The following SGCZ variants were observed in gnomAD, a reference collection of about 807,000 sequenced individuals.
The protein encoded by SGCZ is sarcoglycan zeta, also known as zeta-sarcoglycan.
Under a neutral mutation model 41.3 loss-of-function variants are expected in SGCZ, and 40 were observed. The ratio of observed to expected loss-of-function variants is 0.97; its 90% CI spans 0.75 to 1.26. The LOEUF (loss-of-function observed/expected upper bound fraction) is 1.26, where lower values mean the gene tolerates loss of function less well. Among genes scored for constraint, SGCZ ranks in the 50% most tolerant of loss-of-function variants. The probability of loss-of-function intolerance (pLI) is 0.00; values close to 1 mark genes in which losing one functional copy is unlikely to be tolerated. For missense variants in SGCZ, 552 were observed against 369.8 expected (o/e 1.49, Z -4.04); for synonymous variants, 206 against 137.5 (o/e 1.50, Z -3.49).
At chr8:14,249,244 T>A (rs888467159) in intron 3 of SGCZ, among the ~76,000 whole-genome samples, 1 of 152,190 alleles carries the variant, frequency 6.6e-6, no homozygotes, top group African/African-American at 2.4e-5. Flanking sequence ...AGTCTTCTCT[T>A]GCTTTTGAAT....
At chr8:14,737,232 G>A (rs1799065557) in intron 1 of SGCZ, among the ~76,000 whole-genome samples, 1 of 150,054 alleles carries the variant, frequency 6.7e-6, no homozygotes, top group African/African-American at 2.5e-5. Context: ...GATGGTAGAG[G>A]GTTTCTTAGT....
chr8:15,216,698 T>C (rs1316368353), intron 1 of SGCZ, among the ~76,000 whole-genome samples: 2 of 152,156 alleles, frequency 1.3e-5, no homozygotes, highest in Non-Finnish European at 2.9e-5. Context: ...GAATGGAATC[T>C]TCTAAAGGGC....
chr8:14,874,082 G>A (rs1436857777), intron 1 of SGCZ, among the ~76,000 whole-genome samples: 1 of 152,086 alleles, frequency 6.6e-6, no homozygotes, highest in Non-Finnish European at 1.5e-5. Context: ...ACTGAAGTGT[G>A]GTGAGTCCCA....
At chr8:14,092,045 G>C (rs924304666) in intron 7 of SGCZ, among the ~76,000 whole-genome samples, 8 of 152,080 alleles carry the variant, frequency 5.3e-5, no homozygotes, top group Non-Finnish European at 1.5e-5. Flanking sequence ...TGGCTAGCCA[G>C]TTTTCCCAAC....
intron 1 of SGCZ, among the ~76,000 whole-genome samples, chr8:15,145,155 C>T (rs1262652631): frequency 6.6e-6 from 1 of 152,172 alleles, no homozygotes; most frequent in Admixed American, 6.5e-5. Context: ...TCTGGCTTCT[C>T]TGTGAAGGTT....
At chr8:14,459,898 A>T (rs1375806766) in intron 2 of SGCZ, among the ~76,000 whole-genome samples, 2 of 152,156 alleles carry the variant, frequency 1.3e-5, no homozygotes, top group African/African-American at 4.8e-5. Flanking sequence ...GTATTCCTAA[A>T]ATGAGTCAAG....
intron 1 of SGCZ, among the ~76,000 whole-genome samples, chr8:15,158,826 G>A (rs1182649534): frequency 3.9e-5 from 6 of 152,200 alleles, no homozygotes; most frequent in Non-Finnish European, 8.8e-5. Flanking sequence ...TAGACAGGGA[G>A]AAAGATCCTA....
At chr8:14,349,317 T>A (rs772280131) in intron 2 of SGCZ, among the ~76,000 whole-genome samples, 4 of 152,120 alleles carry the variant, frequency 2.6e-5, no homozygotes, top group Admixed American at 6.6e-5. Flanking sequence ...AATGAGAAAC[T>A]TCTTTAACTC....
At chr8:14,384,991 T>C (rs150547846) in intron 2 of SGCZ, among the ~76,000 whole-genome samples, 3 of 152,334 alleles carry the variant, frequency 2.0e-5, no homozygotes, top group East Asian at 1.9e-4. Context: ...TGAATCTTGC[T>C]TGGGGAATGA....
chr8:14,758,225 G>A lies in SGCZ; in HGVS notation c.40-203299C>T, dbSNP rs186986139. Among the ~76,000 whole-genome samples, 25 of 152,248 alleles carry A rather than the reference G, an allele frequency of 1.6e-4. No homozygotes were observed. In the East Asian group the frequency reaches 3.3e-3, roughly 20 times the overall value. ...CCTGGTTTACAAATCCAGTGTTGTC[G>A]AATTCACATCAAGATCTTCTATTAA... is the stretch of plus-strand genomic sequence containing the variant. On this transcript the variant is annotated intron_variant, in intron 1 of 7. Coordinates refer to ENST00000382080, the MANE Select transcript of SGCZ (RefSeq NM_139167.4).
intron 5 of SGCZ, among the ~76,000 whole-genome samples, chr8:14,149,508 A>G (rs907821186): frequency 1.3e-5 from 2 of 152,122 alleles, no homozygotes; most frequent in African/African-American, 4.8e-5. Context: ...CACTGGTGAA[A>G]GAAATTGAAA....
chr8:14,100,931 CAAG>C (rs1178681977), intron 7 of SGCZ, among the ~76,000 whole-genome samples: 1 of 151,442 alleles, frequency 6.6e-6, no homozygotes, highest in African/African-American at 2.4e-5. Flanking sequence ...ATAAATAACA[CAAG>C]AAGAAAATAA....
chr8:14,866,880 G>A (rs1194721811), intron 1 of SGCZ, among the ~76,000 whole-genome samples: 1 of 152,110 alleles, frequency 6.6e-6, no homozygotes. Flanking sequence ...TGCTTGCAGT[G>A]GGATAAAGCA....
chr8:14,856,752 G>T (rs888138233), intron 1 of SGCZ, among the ~76,000 whole-genome samples: 6 of 152,128 alleles, frequency 3.9e-5, no homozygotes, highest in African/African-American at 1.4e-4. Flanking sequence ...TTCTGAAATA[G>T]CCAGGTTTTA....
intron 1 of SGCZ, among the ~76,000 whole-genome samples, chr8:15,020,681 A>C (rs1803217124): frequency 6.6e-6 from 1 of 152,194 alleles, no homozygotes; most frequent in Admixed American, 6.5e-5. Context: ...ATTATAATTT[A>C]TCTTAATTAC....
At chr8:14,783,958 A>C (rs748005983) in intron 1 of SGCZ, among the ~76,000 whole-genome samples, 11 of 152,140 alleles carry the variant, frequency 7.2e-5, no homozygotes, top group Non-Finnish European at 1.0e-4. Context: ...TGTTCTTCAG[A>C]TTTAGTGGTC....
intron 1 of SGCZ, among the ~76,000 whole-genome samples, chr8:14,865,655 G>A (rs1243418027): frequency 1.3e-5 from 2 of 152,016 alleles, no homozygotes; most frequent in African/African-American, 4.8e-5. Flanking sequence ...TTACATAAGG[G>A]GCCAGGCCAA....
chr8:15,235,945 G>C (rs1802104791), intron 1 of SGCZ, among the ~76,000 whole-genome samples: 1 of 152,190 alleles, frequency 6.6e-6, no homozygotes, highest in Admixed American at 6.5e-5. Flanking sequence ...AAGAGAAGTA[G>C]GGAATCTTTG....
intron 3 of SGCZ, among the ~76,000 whole-genome samples, chr8:14,297,172 C>G (rs892271334): frequency 4.6e-5 from 7 of 152,106 alleles, no homozygotes; most frequent in African/African-American, 1.4e-4. Flanking sequence ...ATCCGCCCAC[C>G]TCGGCCTCCA....
Sources: allele counts gnomAD v4.1 joint callset (sites outside exome capture counted in the v4.1 genomes callset), GRCh38; gene constraint gnomAD v4.1.1; transcripts MANE v1.5; gene names NCBI Gene and HGNC (gene_info 2026-07-23, HGNC 2026-07-21).